PCDHGC3: variants seen among roughly 807,000 people sequenced by gnomAD.
The protein encoded by PCDHGC3 is protocadherin gamma-C3.
PCDHGC3 carries 26 observed loss-of-function variants against 59.2 expected under a neutral mutation model. That is an observed-to-expected ratio of 0.44 (90% confidence interval 0.32 to 0.61). The LOEUF (loss-of-function observed/expected upper bound fraction) is 0.61. PCDHGC3 is among the 20% of genes least tolerant of loss of function. The probability of loss-of-function intolerance (pLI) is 0.05; values close to 1 mark genes in which losing one functional copy is unlikely to be tolerated. For synonymous variants in PCDHGC3, 487 were observed against 519.7 expected (o/e 0.94, Z 0.86); for missense variants, 1,080 against 1,221.8 (o/e 0.88, Z 1.73).
chr5:141,489,238 G>A lies in PCDHGC3; in HGVS notation c.2431-5569G>A. On this transcript the variant is annotated intron_variant, in intron 1 of 3. Coordinates refer to ENST00000308177, the MANE Select transcript of PCDHGC3 (RefSeq NM_002588.4). The surrounding 1 kb of genome is among the most constrained non-coding windows in gnomAD (Gnocchi z 4.5). ...TTACTCTCCACAAAGGGACTTCTGG[G>A]TCATGGGGCCCAAGACACTCCCACA... 6.5e-7 allele frequency: 1 copy of A among 1,534,146 alleles called. No homozygotes were observed.
chr5:141,503,894 T>C (rs898125492), intron 2 of PCDHGC3, among the ~76,000 whole-genome samples: 2 of 152,144 alleles, frequency 1.3e-5, no homozygotes, highest in African/African-American at 4.8e-5. Flanking sequence ...CATGACAAAA[T>C]ATGCACACAC....
chr5:141,485,661 G>A lies in PCDHGC3; in HGVS notation c.2430+7115G>A. On this transcript the variant is annotated intron_variant, in intron 1 of 3. Transcript: ENST00000308177. This position sits in a 1 kb window ranked among gnomAD's most constrained non-coding sequence, Gnocchi z 5.7. ...GAAAAGGCTCAGGATGCAGATGTGGGGAGCAATTCGATTAGCAGCTATAGG... is the reference window on the plus strand; with the variant it reads ...GAAAAGGCTCAGGATGCAGATGTGGAGAGCAATTCGATTAGCAGCTATAGG... 2 of 1,612,678 alleles carry A rather than the reference G, an allele frequency of 1.2e-6. No individual in the cohort carries two copies. Among genetic ancestry groups the A allele is most frequent in the Non-Finnish European group, 1.7e-6 (2 of 1,178,884 alleles).
At chr5:141,496,817 T>C (rs2099771666) in intron 2 of PCDHGC3, among the ~76,000 whole-genome samples, 1 of 151,020 alleles carries the variant, frequency 6.6e-6, no homozygotes, top group Non-Finnish European at 1.5e-5. Flanking sequence ...AGTGAACAAG[T>C]AGATGTGATC....
At position 141,487,144 on chromosome 5, in the gene PCDHGC3, C is replaced by T. The variant is rs2099640304; in HGVS notation, c.2431-7663C>T. The T allele has an allele frequency of 6.2e-7, 1 of 1,614,032 alleles. No homozygotes were observed. Among genetic ancestry groups the T allele is most frequent in the African/African-American group, 1.3e-5 (1 of 75,056 alleles). On this transcript the variant is annotated intron_variant, in intron 1 of 3. Coordinates refer to ENST00000308177, the MANE Select transcript of PCDHGC3 (RefSeq NM_002588.4). This position sits in a 1 kb window ranked among gnomAD's most constrained non-coding sequence, Gnocchi z 5.0. ...ATAGTGGTAGTCCACCACTCTCTAC[C>T]TCTGTTACTCTCTTAGTGTCCTTAG...
intron 1 of PCDHGC3, among the ~76,000 whole-genome samples, chr5:141,494,568 C>T (rs2099755322): frequency 6.6e-6 from 1 of 152,138 alleles, no homozygotes; most frequent in African/African-American, 2.4e-5. Context: ...GGAAAGGAGT[C>T]TCAGCTTGCT....
In PCDHGC3 at chr5:141,478,098, C is replaced by T. The variant is rs779493391; in HGVS notation, c.1982C>T (p.Thr661Ile). 6.2e-7 allele frequency: 1 copy of T among 1,614,142 alleles called. No individual in the cohort carries two copies. Among genetic ancestry groups the T allele is most frequent in the South Asian group, 1.1e-5 (1 of 91,092 alleles). Residue 661 changes from threonine (T) to isoleucine (I), a missense_variant, in exon 1 of 4, where the codon ACC (threonine) becomes ATC (isoleucine). Physicochemically the swap from Thr to Ile is moderately conservative, Grantham distance 89. Transcript: ENST00000308177. ...NGEPSLSTTA[T>I]LTVSVTEDSP... ...GAGCCTTCGCTCTCCACCACTGCTA[C>T]CCTCACTGTGTCAGTAACCGAGGAC...
intron 2 of PCDHGC3, among the ~76,000 whole-genome samples, chr5:141,503,132 CCT>C (rs1388312522): frequency 6.6e-6 from 1 of 151,994 alleles, no homozygotes; most frequent in Non-Finnish European, 1.5e-5. Flanking sequence ...TCTGGTAGCC[CCT>C]GACACAGCCC....
chr5:141,476,483 G>T lies in PCDHGC3; in HGVS notation c.367G>T (p.Val123Leu). The change falls in exon 1 of 4, where the codon GTG becomes TTG. Residue 123 changes from valine (V) to leucine (L), a missense_variant. Physicochemically the swap from Val to Leu is conservative, Grantham distance 32. Coordinates refer to ENST00000308177, the MANE Select transcript of PCDHGC3 (RefSeq NM_002588.4). The surrounding 1 kb of genome is among the most constrained non-coding windows in gnomAD (Gnocchi z 7.6). ...ENPLELFSVE[V>L]VIQDINDNNP... is the part of the protein sequence containing the mutation. ...CCCGCTGGAGCTGTTCAGCGTGGAA[G>T]TGGTGATCCAGGACATCAACGACAA... 6.2e-7 allele frequency: 1 copy of T among 1,614,166 alleles called. No homozygotes were observed. The highest frequency in any genetic ancestry group is 8.5e-7 in the Non-Finnish European group (1 of 1,180,034).
At chr5:141,497,733 T>G (rs2099779006) in intron 2 of PCDHGC3, among the ~76,000 whole-genome samples, 2 of 152,078 alleles carry the variant, frequency 1.3e-5, no homozygotes, top group Non-Finnish European at 2.9e-5. Context: ...AGAGATGGGT[T>G]TCGCCACGTT....
At position 141,486,108 on chromosome 5, in the gene PCDHGC3, G is replaced by A. The variant is rs1184123075; in HGVS notation, c.2430+7562G>A. ...CTTTTGGGGCCCCTAGACTTTGAGA[G>A]TGAGAATTACTATGAATTTGATGTG... On this transcript the variant is annotated intron_variant, in intron 1 of 3. Coordinates refer to ENST00000308177, the MANE Select transcript of PCDHGC3 (RefSeq NM_002588.4). The surrounding 1 kb of genome is among the most constrained non-coding windows in gnomAD (Gnocchi z 5.0). 6 of 1,614,206 alleles carry A rather than the reference G, an allele frequency of 3.7e-6. No individual in the cohort carries two copies. Among genetic ancestry groups the A allele is most frequent in the South Asian group, 3.3e-5 (3 of 91,084 alleles).
At position 141,486,315 on chromosome 5, in the gene PCDHGC3, C is replaced by T. The variant is rs1432435944; in HGVS notation, c.2430+7769C>T. The T allele has an allele frequency of 6.2e-7, 1 of 1,614,066 alleles. No individual in the cohort carries two copies. Among genetic ancestry groups the T allele is most frequent in the East Asian group, 2.2e-5 (1 of 44,862 alleles). ...AGTGTGCAGGATCCAGACTCAGGGT[C>T]AAACGGAGATGTGAGCCTCCGCATT... On this transcript the variant is annotated intron_variant, in intron 1 of 3. Transcript: ENST00000308177. The surrounding 1 kb of genome is among the most constrained non-coding windows in gnomAD (Gnocchi z 5.0).
In PCDHGC3 at chr5:141,491,832, C is replaced by A; in HGVS notation, c.2431-2975C>A. On this transcript the variant is annotated intron_variant, in intron 1 of 3. Coordinates refer to ENST00000308177, the MANE Select transcript of PCDHGC3 (RefSeq NM_002588.4). The surrounding 1 kb of genome is among the most constrained non-coding windows in gnomAD (Gnocchi z 6.9). ...GTCGCTGGCTGCGCTCCACCCGATT[C>A]TCGGGATCATTGGACCGTTTGCGCG... 6.8e-7 allele frequency: 1 copy of A among 1,474,424 alleles called. No individual in the cohort carries two copies. 91.3% of individuals were successfully genotyped at this position (1,474,424 alleles called of 1,614,324 possible).
At position 141,511,940 on chromosome 5, in the gene PCDHGC3, G is replaced by A. The variant is rs2099884015; in HGVS notation, c.*767G>A. 1 of 154,118 alleles carries A rather than the reference G, an allele frequency of 6.5e-6. No homozygotes were observed. The highest frequency in any genetic ancestry group is 1.9e-4 in the East Asian group (1 of 5,214). 9.5% of individuals were successfully genotyped at this position (154,118 alleles called of 1,614,324 possible). ...TCCACTGCATGTTCCAAGACAGTAT[G>A]GGGTGGTAAGATAAGGAAGGGAAGT... On this transcript the variant is annotated 3_prime_UTR_variant, in exon 4 of 4. Coordinates refer to ENST00000308177, the MANE Select transcript of PCDHGC3 (RefSeq NM_002588.4).
intron 1 of PCDHGC3, chr5:141,492,007 C>T (rs1261430567): frequency 3.0e-5 from 19 of 628,956 alleles, no homozygotes; most frequent in Non-Finnish European, 4.6e-5. Flanking sequence ...GCGATTTCCG[C>T]GGGTGTCGGG....
rs979750945 is a variant in PCDHGC3 at position 141,478,807 on chromosome 5, A to G, written c.2430+261A>G. The G allele has an allele frequency of 3.4e-6, 5 of 1,459,258 alleles. No homozygotes were observed. The African/African-American group carries it at 5.7e-5, about 17-fold the overall frequency. 90.4% of individuals were successfully genotyped at this position (1,459,258 alleles called of 1,614,324 possible). On this transcript the variant is annotated intron_variant, in intron 1 of 3. Transcript: ENST00000308177. The stretch of plus-strand genomic sequence containing the variant: ...TTCACATCCTCAGCACTCTTTTGCT[A>G]TCACAACTAACCAATCTTGCTAAGG...
Position 141,509,375 on chromosome 5 carries a change from T to C in PCDHGC3, c.2579-1572T>C, listed in dbSNP as rs1450730489. Among the ~76,000 whole-genome samples, 6 of 152,168 alleles carry C rather than the reference T, an allele frequency of 3.9e-5. No homozygotes were observed. In the East Asian group the frequency reaches 1.2e-3, roughly 29 times the overall value. On this transcript the variant is annotated intron_variant, in intron 3 of 3. Coordinates refer to ENST00000308177, the MANE Select transcript of PCDHGC3 (RefSeq NM_002588.4). ...GGGCATCCCTGAGGTTTTAACTGTC[T>C]CCTAACCACAGAGGATCTCAGGGCC...
chr5:141,510,448 C>T (rs1339979584), intron 3 of PCDHGC3, among the ~76,000 whole-genome samples: 1 of 152,016 alleles, frequency 6.6e-6, no homozygotes, highest in Non-Finnish European at 1.5e-5. Context: ...TCCAGGAGCC[C>T]ATGGTCTAGT....
In PCDHGC3 at chr5:141,511,070, G is replaced by A. The variant is rs1341623011; in HGVS notation, c.2702G>A (p.Gly901Asp). ...PDYRQNVYIP[G>D]SNATLTNAAG... ...TACCGCCAGAATGTCTACATCCCAG[G>A]CAGCAATGCCACACTGACCAACGCA... The change falls in exon 4 of 4, where the codon GGC (glycine) becomes GAC (aspartate). Residue 901 changes from glycine to aspartate, a missense_variant. Physicochemically the swap from Gly to Asp is moderately conservative, Grantham distance 94 (BLOSUM62 -1). Transcript: ENST00000308177. 2.5e-6 allele frequency: 4 copies of A among 1,614,218 alleles called. No homozygotes were observed. Among genetic ancestry groups the A allele is most frequent in the Admixed American group, 1.7e-5 (1 of 60,030 alleles).
In PCDHGC3 at chr5:141,485,870, C is replaced by A. The variant is rs745737454; in HGVS notation, c.2430+7324C>A. On this transcript the variant is annotated intron_variant, in intron 1 of 3. Coordinates refer to ENST00000308177, the MANE Select transcript of PCDHGC3 (RefSeq NM_002588.4). The surrounding 1 kb of genome is among the most constrained non-coding windows in gnomAD (Gnocchi z 5.7). ...CACCGCAGAGCTCCGGGTATCCGTGCTGGACGTAAACGACAACGCCCCAGC... is the reference window on the plus strand; with the variant it reads ...CACCGCAGAGCTCCGGGTATCCGTGATGGACGTAAACGACAACGCCCCAGC... 1 of 1,614,174 alleles carries A rather than the reference C, an allele frequency of 6.2e-7. No homozygotes were observed. Among genetic ancestry groups the A allele is most frequent in the Non-Finnish European group, 8.5e-7 (1 of 1,180,032 alleles).
Sources: gnomAD v4.1 joint callset for allele counts (sites outside exome capture counted in the v4.1 genomes callset) on GRCh38, gnomAD v4.1.1 for gene constraint, Gnocchi (gnomAD v3.1) non-coding constraint, MANE v1.5 for transcripts, NCBI Gene and HGNC (gene_info 2026-07-23, HGNC 2026-07-21) for gene names.